The following JMJD1C variants were observed in gnomAD, a reference collection of about 807,000 sequenced individuals.
The protein encoded by JMJD1C is jumonji domain containing 1C, also known as jumonji domain-containing protein 1C.
Under a neutral mutation model 245.3 loss-of-function variants are expected in JMJD1C, and 31 were observed. The observed-to-expected ratio is 0.13, with a 90% CI of 0.09 to 0.17. JMJD1C has a LOEUF of 0.17. JMJD1C is among the 10% of genes least tolerant of loss of function. The pLI is 1.00. For synonymous variants in JMJD1C, 1,057 were observed against 1,017.4 expected (o/e 1.04, Z -0.74); for missense variants, 2,691 against 3,000.2 (o/e 0.90, Z 2.41).
At chr10:63,489,137 C>T (rs1017862473) in intron 1 of JMJD1C, among the ~76,000 whole-genome samples, 3 of 152,194 alleles carry the variant, frequency 2.0e-5, no homozygotes, top group Non-Finnish European at 4.4e-5. Context: ...CAGTGGCTCA[C>T]GCCTGTAATC....
At chr10:63,413,202 A>C (rs1011011649) in intron 1 of JMJD1C, among the ~76,000 whole-genome samples, 2 of 152,196 alleles carry the variant, frequency 1.3e-5, no homozygotes, top group African/African-American at 2.4e-5. Context: ...TATGTGTGTT[A>C]TCTCTTAAAG....
At position 63,461,306 on chromosome 10, in the gene JMJD1C, A is replaced by ATCAT. The variant is rs1315364192; in HGVS notation, c.168+4185_168+4188dup. ...GATCGTATTGACCAATGAAGTAAAAATCATTCATTCATTCATACATTCAAC... is the reference window on the plus strand; with the variant it reads ...GATCGTATTGACCAATGAAGTAAAAATCATTCATTCATTCATTCATACATTCAAC... On this transcript the variant is annotated intron_variant, in intron 1 of 25. Transcript: ENST00000399262. Among the ~76,000 whole-genome samples the ATCAT allele has an allele frequency of 2.0e-5, 3 of 152,200 alleles. No homozygotes were observed. In the East Asian group the frequency reaches 5.8e-4, roughly 29 times the overall value.
chr10:63,298,466 T>G (rs1859687069), intron 2 of JMJD1C, among the ~76,000 whole-genome samples: 1 of 152,170 alleles, frequency 6.6e-6, no homozygotes, highest in African/African-American at 2.4e-5. Context: ...TGCCGATCCC[T>G]GCCAATGTTG....
At chr10:63,297,359 C>G (rs1338991653) in intron 2 of JMJD1C, among the ~76,000 whole-genome samples, 2 of 152,152 alleles carry the variant, frequency 1.3e-5, no homozygotes, top group Admixed American at 1.3e-4. Context: ...CTCAGCCAGG[C>G]TTGGACACTC....
At chr10:63,282,438 C>T (rs933680048) in intron 2 of JMJD1C, among the ~76,000 whole-genome samples, 5 of 151,990 alleles carry the variant, frequency 3.3e-5, no homozygotes, top group Admixed American at 6.6e-5. Flanking sequence ...TAACTTATGC[C>T]GATATTTTGA....
At chr10:63,399,877 G>A (rs1047914279) in intron 1 of JMJD1C, among the ~76,000 whole-genome samples, 1 of 151,074 alleles carries the variant, frequency 6.6e-6, no homozygotes, top group African/African-American at 2.4e-5. Context: ...GAGAATTCTA[G>A]CTAGTCCTTC....
rs1044276109 is a variant in JMJD1C at position 63,293,976 on chromosome 10, T to C, written c.334-29212A>G. On this transcript the variant is annotated intron_variant, in intron 2 of 25. Transcript: ENST00000399262. ...CCTTTCCCATGTACTAATTCAGTTC[T>C]TTTTAATTTAATTGCCCTTCTTGCA... Among the ~76,000 whole-genome samples the C allele has an allele frequency of 5.9e-5, 9 of 152,210 alleles. No homozygotes were observed. The South Asian group carries it at 1.0e-3, about 17-fold the overall frequency.
At chr10:63,363,386 G>C (rs1384643136) in intron 2 of JMJD1C, among the ~76,000 whole-genome samples, 3 of 151,296 alleles carry the variant, frequency 2.0e-5, no homozygotes, top group Non-Finnish European at 4.4e-5. Context: ...AGCCTCCCGA[G>C]TAGCTGGGAT....
intron 1 of JMJD1C, among the ~76,000 whole-genome samples, chr10:63,438,814 G>A (rs1232388078): frequency 1.3e-5 from 2 of 152,106 alleles, no homozygotes; most frequent in Non-Finnish European, 2.9e-5. Flanking sequence ...TCACCTACTC[G>A]GAGAGGCATT....
At chr10:63,255,302 T>A (rs974064719) in intron 3 of JMJD1C, among the ~76,000 whole-genome samples, 5 of 152,198 alleles carry the variant, frequency 3.3e-5, no homozygotes, top group South Asian at 4.1e-4. Context: ...CCCTATGCCA[T>A]CTATCTGTAA....
chr10:63,370,998 G>C (rs1946267523), intron 2 of JMJD1C, among the ~76,000 whole-genome samples: 1 of 152,064 alleles, frequency 6.6e-6, no homozygotes, highest in South Asian at 2.1e-4. Context: ...TTTCCGTTGA[G>C]ACAGGGTCTT....
chr10:63,427,560 A>AC, intron 1 of JMJD1C: 1 of 1,403,456 alleles, frequency 7.1e-7, no homozygotes, highest in East Asian at 2.3e-5. Context: ...TTGTGGACCC[A>AC]CAGAATCAGA....
At position 63,168,013 on chromosome 10, in the gene JMJD1C, C is replaced by T; in HGVS notation, c.*32G>A. On this transcript the variant is annotated 3_prime_UTR_variant, in exon 26 of 26. Coordinates refer to ENST00000399262, the MANE Select transcript of JMJD1C (RefSeq NM_032776.3). The stretch of plus-strand genomic sequence containing the variant: ...CATTCAAGGTTAAGTAATCCCAGTT[C>T]AACAACCTAAAAATATCAAACTGGA... 1 of 1,281,484 alleles carries T rather than the reference C, an allele frequency of 7.8e-7. No homozygotes were observed. The highest frequency in any genetic ancestry group is 2.3e-5 in the East Asian group (1 of 43,346). The allele number at this position is 1,281,484 out of a possible 1,614,324, so 79.4% of individuals were successfully genotyped here.
At chr10:63,366,889 C>T (rs1348206609) in intron 2 of JMJD1C, among the ~76,000 whole-genome samples, 2 of 152,050 alleles carry the variant, frequency 1.3e-5, no homozygotes, top group Admixed American at 6.6e-5. Context: ...CCTGGAATAG[C>T]GAAACAGAAA....
intron 2 of JMJD1C, among the ~76,000 whole-genome samples, chr10:63,360,138 C>T (rs1008682324): frequency 6.6e-6 from 1 of 151,954 alleles, no homozygotes; most frequent in Non-Finnish European, 1.5e-5. Flanking sequence ...AGCAAGATCC[C>T]CCATCTCTTA....
At chr10:63,473,975 G>A (rs570606150) in intron 1 of JMJD1C, among the ~76,000 whole-genome samples, 1 of 151,924 alleles carries the variant, frequency 6.6e-6, no homozygotes, top group South Asian at 2.1e-4. Context: ...CCCGGGAGGC[G>A]AACGTTGCAG....
chr10:63,465,109 G>A, intron 1 of JMJD1C: 1 of 247,480 alleles, frequency 4.0e-6, no homozygotes, highest in Non-Finnish European at 7.7e-6. Flanking sequence ...AGGGAAGCTG[G>A]CCGCCTGTCG....
At chr10:63,490,607 G>A (rs1018915559) in intron 1 of JMJD1C, among the ~76,000 whole-genome samples, 1 of 151,852 alleles carries the variant, frequency 6.6e-6, no homozygotes, top group African/African-American at 2.4e-5. Context: ...ATAGAGACGG[G>A]GTTTCACCAT....
At chr10:63,400,208 A>G (rs1263841378) in intron 1 of JMJD1C, among the ~76,000 whole-genome samples, 1 of 152,188 alleles carries the variant, frequency 6.6e-6, no homozygotes, top group Non-Finnish European at 1.5e-5. Flanking sequence ...TAATGCTGCA[A>G]TGAATATATC....
Sources: allele counts gnomAD v4.1 joint callset (sites outside exome capture counted in the v4.1 genomes callset), GRCh38; gene constraint gnomAD v4.1.1; transcripts MANE v1.5; gene names NCBI Gene and HGNC (gene_info 2026-07-23, HGNC 2026-07-21).